CDH1: variants seen among roughly 807,000 people sequenced by gnomAD.
CDH1 encodes cadherin-1.
A neutral mutation model predicts 84.5 loss-of-function variants in CDH1; 35 were observed. That is an observed-to-expected ratio of 0.41 (90% confidence interval 0.32 to 0.55). The LOEUF (loss-of-function observed/expected upper bound fraction) is 0.55, where lower values mean the gene tolerates loss of function less well. CDH1 is among the 20% of genes least tolerant of loss of function. The probability of loss-of-function intolerance (pLI) is 0.19; values close to 1 mark genes in which losing one functional copy is unlikely to be tolerated. For synonymous variants in CDH1, 417 were observed against 439.0 expected (o/e 0.95, Z 0.63); for missense variants, 994 against 1,126.6 (o/e 0.88, Z 1.68).
At chr16:68,810,018 AC>A (rs757396383) in intron 5 of CDH1, among the ~76,000 whole-genome samples, 178 bp from the exon 6 acceptor site, 1 of 152,060 alleles carries the variant, frequency 6.6e-6, no homozygotes, top group Non-Finnish European at 1.5e-5. Flanking sequence ...CATGGCTCTT[AC>A]CTTGTTATAA....
At chr16:68,745,613 A>ATATATATGTGTATATATATGTATGTGTG (rs1567475420) in intron 2 of CDH1, among the ~76,000 whole-genome samples, 9 of 131,402 alleles carry the variant, frequency 6.8e-5, no homozygotes, top group African/African-American at 3.1e-4. Flanking sequence ...GTATGTGTAT[A>ATATATATGTGTATATATATGTATGTGTG]TATATATATA....
chr16:68,806,122 A>ATT (rs377407300), intron 3 of CDH1, among the ~76,000 whole-genome samples: 5,299 of 144,520 alleles, frequency 0.037, 120 homozygotes, highest in Non-Finnish European at 0.052. Flanking sequence ...TAATTTTTGT[A>ATT]TATTTATTTA....
At chr16:68,770,421 T>C (rs1959535707) in intron 2 of CDH1, among the ~76,000 whole-genome samples, 1 of 152,132 alleles carries the variant, frequency 6.6e-6, no homozygotes, top group Non-Finnish European at 1.5e-5. Flanking sequence ...GGGATGTTCA[T>C]GGACAGCTGA....
At chr16:68,751,857 A>G (rs1200858247) in intron 2 of CDH1, among the ~76,000 whole-genome samples, 2 of 151,930 alleles carry the variant, frequency 1.3e-5, no homozygotes, top group East Asian at 3.9e-4. Context: ...GCTGGAGTGC[A>G]GTGGTTTGAC....
chr16:68,766,130 G>A lies in CDH1; in HGVS notation c.163+27719G>A, dbSNP rs368506490. Among the ~76,000 whole-genome samples, 236 of 152,124 alleles carry A rather than the reference G, an allele frequency of 1.6e-3. 1 individual carries two copies. Among genetic ancestry groups the A allele is most frequent in the South Asian group, 3.1e-3 (15 of 4,808 alleles). On this transcript the variant is annotated intron_variant, in intron 2 of 15. Transcript: ENST00000261769. Reference sequence around the variant, plus strand: ...GAAAATTAGCCGGGTGTGGTGGTGCGCGCCTGTAGTCCCAGCTACTTGGGA... The same window carrying A: ...GAAAATTAGCCGGGTGTGGTGGTGCACGCCTGTAGTCCCAGCTACTTGGGA...
intron 2 of CDH1, among the ~76,000 whole-genome samples, chr16:68,784,386 G>T (rs549814752): frequency 6.6e-6 from 1 of 152,094 alleles, no homozygotes; most frequent in African/African-American, 2.4e-5. Context: ...TCTGACTCTG[G>T]TCAACTGACA....
At chr16:68,774,998 C>T (rs983530170) in intron 2 of CDH1, among the ~76,000 whole-genome samples, 3 of 152,048 alleles carry the variant, frequency 2.0e-5, no homozygotes, top group African/African-American at 7.2e-5. Context: ...TGGTGGTGCG[C>T]ACCTGTGGTC....
At chr16:68,792,162 C>A (rs1344250967) in intron 2 of CDH1, among the ~76,000 whole-genome samples, 1 of 151,658 alleles carries the variant, frequency 6.6e-6, no homozygotes, top group African/African-American at 2.4e-5. Flanking sequence ...CTCAGGTGAT[C>A]CATCTGCCTC....
Position 68,829,637 on chromosome 16 carries a change from AC to A in CDH1, c.2296-15del, listed in dbSNP as rs1462943595. ...CTTTCCTACTCTTCATTGTACTTCA[AC>A]CTTTTTTCTCCAAAGGACTTTGACT... is the stretch of plus-strand genomic sequence containing the variant. On this transcript the variant is annotated splice_polypyrimidine_tract_variant and intron_variant, in intron 14 of 15. Transcript: ENST00000261769. 4 of 1,613,494 alleles carry A rather than the reference AC, an allele frequency of 2.5e-6. No homozygotes were observed. The highest frequency in any genetic ancestry group is 2.5e-6 in the Non-Finnish European group (3 of 1,179,758).
intron 6 of CDH1, 70 bp from the exon 7 acceptor site, chr16:68,811,613 TG>T (rs2152131788): frequency 7.5e-7 from 1 of 1,341,646 alleles, no homozygotes; most frequent in Non-Finnish European, 1.1e-6. Flanking sequence ...AGGGCAGAAT[TG>T]GATTAAGCAG....
intron 13 of CDH1, among the ~76,000 whole-genome samples, chr16:68,826,219 G>A (rs1961319546): frequency 6.6e-6 from 1 of 152,096 alleles, no homozygotes. Flanking sequence ...CACTGGGGGT[G>A]GGGATTCCCA....
At chr16:68,782,621 TG>T (rs768158081) in intron 2 of CDH1, among the ~76,000 whole-genome samples, 1 of 152,202 alleles carries the variant, frequency 6.6e-6, no homozygotes, top group Non-Finnish European at 1.5e-5. Context: ...ACCTGTGCTT[TG>T]AGGGGGCGTT....
chr16:68,783,091 C>G (rs1959928705), intron 2 of CDH1, among the ~76,000 whole-genome samples: 1 of 151,886 alleles, frequency 6.6e-6, no homozygotes, highest in Admixed American at 6.6e-5. Context: ...TTGGTTCAAC[C>G]CTCTCATTAA....
At chr16:68,796,056 G>T (rs1003467611) in intron 2 of CDH1, among the ~76,000 whole-genome samples, 1 of 151,990 alleles carries the variant, frequency 6.6e-6, no homozygotes, top group South Asian at 2.1e-4. Context: ...CCAGCTACTC[G>T]GGAGGCTGGG....
intron 2 of CDH1, among the ~76,000 whole-genome samples, chr16:68,800,071 G>C (rs1207147483): frequency 6.6e-6 from 1 of 151,088 alleles, no homozygotes; most frequent in Non-Finnish European, 1.5e-5. Context: ...TGGGCACACT[G>C]GCTTATGCCT....
chr16:68,738,413 T>TGAG lies in CDH1; in HGVS notation c.163+4_163+6dup, dbSNP rs1205684749. The TGAG allele has an allele frequency of 5.2e-6, 8 of 1,536,040 alleles. No individual in the cohort carries two copies. Among genetic ancestry groups the TGAG allele is most frequent in the South Asian group, 4.8e-5 (4 of 83,328 alleles). ...AGAGAGGCCGCGTCCTGGGCAGAGGTGAGGGCGCGCTGCCGGTGTCCCTGG... is the reference window on the plus strand; with the variant it reads ...AGAGAGGCCGCGTCCTGGGCAGAGGTGAGGAGGGCGCGCTGCCGGTGTCCCTGG... On this transcript the variant is annotated splice_region_variant and intron_variant, in intron 2 of 15. Coordinates refer to ENST00000261769, the MANE Select transcript of CDH1 (RefSeq NM_004360.5).
intron 2 of CDH1, among the ~76,000 whole-genome samples, chr16:68,784,239 A>T (rs1256126317): frequency 6.6e-6 from 1 of 152,170 alleles, no homozygotes; most frequent in Admixed American, 6.6e-5. Context: ...ACTGATTCCT[A>T]CTTGCCATGA....
At chr16:68,814,961 G>A (rs1340526179) in intron 9 of CDH1, among the ~76,000 whole-genome samples, 1 of 151,034 alleles carries the variant, frequency 6.6e-6, no homozygotes, top group East Asian at 1.9e-4. Flanking sequence ...TGCAGTTGCT[G>A]ATGTCTGTAA....
intron 2 of CDH1, among the ~76,000 whole-genome samples, chr16:68,775,158 C>T (rs1294887675): frequency 6.6e-6 from 1 of 151,678 alleles, no homozygotes; most frequent in Non-Finnish European, 1.5e-5. Context: ...AGAACACCCT[C>T]ATTTTACAAT....
Sources: gnomAD v4.1 joint callset for allele counts (sites outside exome capture counted in the v4.1 genomes callset) on GRCh38, gnomAD v4.1.1 for gene constraint, MANE v1.5 for transcripts, NCBI Gene and HGNC (gene_info 2026-07-23, HGNC 2026-07-21) for gene names.